Variants in THEMIS observed in about 807,000 individuals in gnomAD.
THEMIS encodes the protein protein THEMIS.
THEMIS carries 37 observed loss-of-function variants against 52.6 expected under a neutral mutation model. That is an observed-to-expected ratio of 0.70 (90% CI 0.54 to 0.93). The LOEUF (loss-of-function observed/expected upper bound fraction) is 0.93, where lower values mean the gene tolerates loss of function less well. THEMIS is among the 40% of genes least tolerant of loss of function. The pLI is 0.00. For missense variants in THEMIS, 808 were observed against 763.1 expected, an observed-to-expected ratio of 1.06 and a Z score of -0.69; for synonymous variants, 292 against 272.7, an observed-to-expected ratio of 1.07 and a Z score of -0.70.
intron 4 of THEMIS, among the ~76,000 whole-genome samples, chr6:127,750,339 G>A (rs1775594895): frequency 6.6e-6 from 1 of 151,164 alleles, no homozygotes; most frequent in African/African-American, 2.4e-5. Flanking sequence ...CATCGTCTTG[G>A]CCTATAAGTA....
rs375208111 is a variant in THEMIS at position 127,719,753 on chromosome 6, C to T, written c.1829G>A (p.Gly610Asp). The change falls in exon 5 of 6, where the codon GGT becomes GAT. Residue 610 changes from glycine (G) to aspartate (D), a missense_variant. Coordinates refer to ENST00000368248, the MANE Select transcript of THEMIS (RefSeq NM_001010923.3). ...TTCATCCACCAAATCATTCTGACTA[C>T]CAATCAGTACTTTTGAATCCAGGCC... The part of the protein sequence containing the change: ...QAGLDSKVLI[G>D]SQNDLVDEEK... 5.0e-5 allele frequency: 80 copies of T among 1,612,248 alleles called. No homozygotes were observed. Among genetic ancestry groups the T allele is most frequent in the Non-Finnish European group, 6.8e-5 (80 of 1,178,998 alleles).
intron 2 of THEMIS, 58 bp from the exon 3 acceptor site, chr6:127,829,992 G>T: frequency 7.6e-7 from 1 of 1,318,722 alleles, no homozygotes; most frequent in Non-Finnish European, 1.0e-6. Context: ...GTTCTCACAA[G>T]AAAATCACAA....
intron 4 of THEMIS, among the ~76,000 whole-genome samples, chr6:127,776,776 C>T (rs554565236): frequency 6.6e-6 from 1 of 152,190 alleles, no homozygotes; most frequent in Non-Finnish European, 1.5e-5. Flanking sequence ...TCTGTTTCAA[C>T]TGTAATTGTG....
intron 4 of THEMIS, among the ~76,000 whole-genome samples, chr6:127,788,253 G>T (rs1343200025): frequency 2.0e-5 from 3 of 152,116 alleles, no homozygotes; most frequent in Non-Finnish European, 4.4e-5. Context: ...AACCAAGTTT[G>T]CCAGTGGTCT....
chr6:127,768,296 A>G (rs1022240495), intron 4 of THEMIS, among the ~76,000 whole-genome samples: 9 of 152,266 alleles, frequency 5.9e-5, no homozygotes, highest in African/African-American at 1.9e-4. Flanking sequence ...CCTCCCTTCT[A>G]ACTAACTTAA....
At chr6:127,911,060 AGG>A (rs1244851964) in intron 1 of THEMIS, among the ~76,000 whole-genome samples, 4 of 147,534 alleles carry the variant, frequency 2.7e-5, no homozygotes, top group African/African-American at 1.1e-4. Context: ...GGGTTTGGGG[AGG>A]AAGACCACAG....
At chr6:127,887,699 T>A (rs946934602) in intron 1 of THEMIS, among the ~76,000 whole-genome samples, 1 of 152,110 alleles carries the variant, frequency 6.6e-6, no homozygotes, top group Non-Finnish European at 1.5e-5. Context: ...GGGCTAGAAA[T>A]GCCCATAGAG....
At chr6:127,901,154 A>C, upstream of THEMIS, 1 of 569,456 alleles carries the variant, frequency 1.8e-6, no homozygotes. Context: ...TTTTGTTCAC[A>C]TTGTGGCTTC....
intron 4 of THEMIS, among the ~76,000 whole-genome samples, chr6:127,721,373 T>C (rs1247436715): frequency 6.6e-6 from 1 of 152,072 alleles, no homozygotes; most frequent in Non-Finnish European, 1.5e-5. Flanking sequence ...CGTCTATCTA[T>C]AGTATCCCAG....
At chr6:127,788,449 A>G (rs938406150) in intron 4 of THEMIS, among the ~76,000 whole-genome samples, 2 of 152,188 alleles carry the variant, frequency 1.3e-5, no homozygotes, top group Non-Finnish European at 2.9e-5. Flanking sequence ...CACAGGAAAA[A>G]ATTAAAATGC....
chr6:127,810,676 A>C (rs1163032065), intron 4 of THEMIS, among the ~76,000 whole-genome samples: 1 of 152,144 alleles, frequency 6.6e-6, no homozygotes, highest in African/African-American at 2.4e-5. Context: ...CTGTGGTATT[A>C]TGTTATAATA....
At chr6:127,870,517 G>T (rs553087734) in intron 1 of THEMIS, among the ~76,000 whole-genome samples, 1 of 152,134 alleles carries the variant, frequency 6.6e-6, no homozygotes, top group Admixed American at 6.6e-5. Flanking sequence ...TACATTAAAC[G>T]TACCTGATTT....
At position 127,709,338 on chromosome 6, in the gene THEMIS, T is replaced by C. The variant is rs1773895980; in HGVS notation, c.*647A>G. ...TGGTGAAATTTCAGTCATGAGCTTG[T>C]TGTTGGGTCATAGAAGAGAAGGTTA... On this transcript the variant is annotated 3_prime_UTR_variant, in exon 6 of 6. Transcript: ENST00000368248. 6.6e-6 allele frequency: 1 copy of C among 152,046 alleles called. No homozygotes were observed. Among genetic ancestry groups the C allele is most frequent in the South Asian group, 2.1e-4 (1 of 4,836 alleles). 9.4% of individuals were successfully genotyped at this position (152,046 alleles called of 1,614,324 possible).
chr6:127,916,077 A>G (rs537637253), intron 1 of THEMIS, among the ~76,000 whole-genome samples: 1 of 152,206 alleles, frequency 6.6e-6, no homozygotes, highest in South Asian at 2.1e-4. Flanking sequence ...GGGCAATGCA[A>G]GTCTGCCCAA....
At chr6:127,854,198 C>T (rs1160521044) in intron 2 of THEMIS, among the ~76,000 whole-genome samples, 1 of 151,646 alleles carries the variant, frequency 6.6e-6, no homozygotes, top group Non-Finnish European at 1.5e-5. Context: ...GAGTCAAATC[C>T]TGCTTGTCAC....
intron 1 of THEMIS, among the ~76,000 whole-genome samples, chr6:127,917,745 T>A (rs142292022): frequency 6.6e-6 from 1 of 152,170 alleles, no homozygotes; most frequent in African/African-American, 2.4e-5. Flanking sequence ...CCCAGAAATT[T>A]AGAATTTGAA....
chr6:127,754,545 T>C lies in THEMIS; in HGVS notation c.1759-34722A>G, dbSNP rs374313832. Among the ~76,000 whole-genome samples the C allele has an allele frequency of 3.9e-5, 6 of 152,310 alleles. No individual in the cohort carries two copies. The East Asian group carries it at 7.7e-4, about 20-fold the overall frequency. Reference sequence around the variant, plus strand: ...ACTCAGCAAAATGCTTCTTTGATCATATACACTGGAACACAGGGAAACTCT... The same window carrying C: ...ACTCAGCAAAATGCTTCTTTGATCACATACACTGGAACACAGGGAAACTCT... On this transcript the variant is annotated intron_variant, in intron 4 of 5. Transcript: ENST00000368248.
chr6:127,815,618 T>A (rs1778101184), intron 3 of THEMIS, among the ~76,000 whole-genome samples: 1 of 152,228 alleles, frequency 6.6e-6, no homozygotes, highest in African/African-American at 2.4e-5. Flanking sequence ...AAAGAGCACT[T>A]CTTACATTAA....
chr6:127,804,146 A>G (rs1020674844), intron 4 of THEMIS, among the ~76,000 whole-genome samples: 59 of 152,184 alleles, frequency 3.9e-4, no homozygotes, highest in African/African-American at 1.4e-3. Context: ...AGGCACTTGA[A>G]CATTAAGAGT....
Sources: allele counts gnomAD v4.1 joint callset (sites outside exome capture counted in the v4.1 genomes callset), GRCh38; gene constraint gnomAD v4.1.1; transcripts MANE v1.5; gene names NCBI Gene and HGNC (gene_info 2026-07-23, HGNC 2026-07-21).